The following AKT3 variants were observed in gnomAD, a reference collection of about 807,000 sequenced individuals.
AKT3 encodes RAC-gamma serine/threonine-protein kinase.
In AKT3, 15 loss-of-function variants were observed where a neutral mutation model predicts 65.3. That is an observed-to-expected ratio of 0.23 (90% CI 0.15 to 0.35). The LOEUF is 0.35. AKT3 is among the 10% of genes least tolerant of loss of function. The pLI, the probability that AKT3 is intolerant of heterozygous loss-of-function variation, is 1.00. For synonymous variants in AKT3, 206 were observed against 183.8 expected (o/e 1.12, Z -0.98); for missense variants, 243 against 576.5 (o/e 0.42, Z 5.92).
chr1:243,662,327 C>T (rs1413675356), intron 4 of AKT3, among the ~76,000 whole-genome samples: 1 of 152,008 alleles, frequency 6.6e-6, no homozygotes, highest in Non-Finnish European at 1.5e-5. Flanking sequence ...CAATGATAGA[C>T]TGGATGAAGA....
chr1:243,782,764 A>T (rs943190760), intron 2 of AKT3, among the ~76,000 whole-genome samples: 1 of 152,160 alleles, frequency 6.6e-6, no homozygotes, highest in Non-Finnish European at 1.5e-5. Flanking sequence ...ACCATACACA[A>T]TACACGTATG....
At chr1:243,584,214 G>A (rs1303569631) in intron 8 of AKT3, among the ~76,000 whole-genome samples, 2 of 152,010 alleles carry the variant, frequency 1.3e-5, no homozygotes, top group African/African-American at 4.8e-5. Flanking sequence ...AAAATCTAGA[G>A]GAAATGGATA....
chr1:243,748,384 G>A (rs1688606575), intron 2 of AKT3, among the ~76,000 whole-genome samples: 2 of 151,850 alleles, frequency 1.3e-5, no homozygotes, highest in South Asian at 4.2e-4. Flanking sequence ...GATAGACAGT[G>A]TTCTTCCTTC....
chr1:243,560,124 C>T (rs575803526), intron 10 of AKT3, among the ~76,000 whole-genome samples: 37 of 152,178 alleles, frequency 2.4e-4, no homozygotes, highest in Admixed American at 2.0e-3. Context: ...TTTCCACTGC[C>T]GGACCCTCCC....
chr1:243,820,849 GAATA>G (rs1558844097), intron 2 of AKT3, among the ~76,000 whole-genome samples: 1 of 152,100 alleles, frequency 6.6e-6, no homozygotes, highest in Non-Finnish European at 1.5e-5. Context: ...AACCAAGTTG[GAATA>G]TATACTTCAG....
At chr1:243,639,693 A>C (rs1204742698) in intron 5 of AKT3, among the ~76,000 whole-genome samples, 1 of 152,188 alleles carries the variant, frequency 6.6e-6, no homozygotes, top group Admixed American at 6.5e-5. Flanking sequence ...CTGCCCCTTC[A>C]CCAGAAAACT....
At chr1:243,708,445 C>T (rs1685942993) in intron 2 of AKT3, among the ~76,000 whole-genome samples, 1 of 151,982 alleles carries the variant, frequency 6.6e-6, no homozygotes, top group Non-Finnish European at 1.5e-5. Flanking sequence ...CAATCTTTAC[C>T]TATCATACTA....
intron 8 of AKT3, among the ~76,000 whole-genome samples, chr1:243,609,546 T>G (rs1046262717): frequency 6.6e-6 from 1 of 152,094 alleles, no homozygotes; most frequent in African/African-American, 2.4e-5. Flanking sequence ...TAATCCTAGC[T>G]ACTCGGGAGA....
chr1:243,572,737 C>T lies in AKT3; in HGVS notation c.819+189G>A, dbSNP rs80149251. ...TTGCTTTGCAAATCAAAAACTCACACATAAATCAACTACATACATGTTAGT... is the reference window on the plus strand; with the variant it reads ...TTGCTTTGCAAATCAAAAACTCACATATAAATCAACTACATACATGTTAGT... On this transcript the variant is annotated intron_variant, in intron 9 of 13. Transcript: ENST00000673466. 0.022 allele frequency among the ~76,000 whole-genome samples: 3,306 copies of T among 152,232 alleles called. 45 individuals are homozygous for T. The highest frequency in any genetic ancestry group is 0.048 in the Middle Eastern group (14 of 294).
chr1:243,780,941 AAAC>A (rs1441667537), intron 2 of AKT3, among the ~76,000 whole-genome samples: 1 of 152,086 alleles, frequency 6.6e-6, no homozygotes, highest in African/African-American at 2.4e-5. Flanking sequence ...CTAGGGAAAA[AAAC>A]AAACACTAAG....
intron 2 of AKT3, chr1:243,817,937 T>C (rs1693625480): frequency 6.6e-6 from 1 of 152,256 alleles, no homozygotes. Flanking sequence ...CTTCAAATTT[T>C]ATTGACATCT....
chr1:243,543,830 G>C (rs1672475119), intron 12 of AKT3, among the ~76,000 whole-genome samples: 1 of 152,174 alleles, frequency 6.6e-6, no homozygotes, highest in Non-Finnish European at 1.5e-5. Flanking sequence ...TATGTGAGTT[G>C]AATCGAGTAG....
At chr1:243,808,329 C>G (rs1692888288) in intron 2 of AKT3, 1 of 152,100 alleles carries the variant, frequency 6.6e-6, no homozygotes, top group South Asian at 2.1e-4. Flanking sequence ...GCAGAGAAGT[C>G]CTTAAAGGAC....
intron 2 of AKT3, among the ~76,000 whole-genome samples, chr1:243,759,666 A>G (rs1225072963): frequency 6.6e-6 from 1 of 152,218 alleles, no homozygotes; most frequent in Non-Finnish European, 1.5e-5. Context: ...TAAGTTTAAG[A>G]AATGTACTTA....
chr1:243,818,895 T>A (rs183091887), intron 2 of AKT3, among the ~76,000 whole-genome samples: 12 of 152,172 alleles, frequency 7.9e-5, no homozygotes, highest in Middle Eastern at 3.4e-3. Flanking sequence ...GGTGATGCAA[T>A]GGCCCACATG....
At chr1:243,518,924 T>C (rs1262350285) in intron 12 of AKT3, among the ~76,000 whole-genome samples, 1 of 152,186 alleles carries the variant, frequency 6.6e-6, no homozygotes, top group African/African-American at 2.4e-5. Context: ...ACATGAATTC[T>C]AAAATTGAAG....
chr1:243,537,075 G>C (rs574996332), intron 12 of AKT3, among the ~76,000 whole-genome samples: 1 of 152,124 alleles, frequency 6.6e-6, no homozygotes, highest in Non-Finnish European at 1.5e-5. Flanking sequence ...CACAACTCAG[G>C]AAAGTTCCAC....
chr1:243,573,084 T>G, intron 8 of AKT3, 36 bp from the exon 9 acceptor site: 1 of 1,605,772 alleles, frequency 6.2e-7, no homozygotes, highest in Non-Finnish European at 8.5e-7. Context: ...ATTGTAATAA[T>G]TACTGATTTA....
At chr1:243,674,749 A>G (rs1683387658) in intron 3 of AKT3, among the ~76,000 whole-genome samples, 1 of 152,258 alleles carries the variant, frequency 6.6e-6, no homozygotes, top group Admixed American at 6.5e-5. Flanking sequence ...GTTTTAGGCA[A>G]CAAGTGGGAA....
Sources: allele counts gnomAD v4.1 joint callset (sites outside exome capture counted in the v4.1 genomes callset), GRCh38; gene constraint gnomAD v4.1.1; transcripts MANE v1.5; gene names NCBI Gene and HGNC (gene_info 2026-07-23, HGNC 2026-07-21).